Variants in TFAP4 observed in about 807,000 individuals in gnomAD.
The protein encoded by TFAP4 is transcription factor AP-4.
In TFAP4, 7 loss-of-function variants were observed where a neutral mutation model predicts 40.4. That is an observed-to-expected ratio of 0.17 (90% CI 0.10 to 0.33). The LOEUF (loss-of-function observed/expected upper bound fraction) is 0.33, where lower values mean the gene tolerates loss of function less well. Among genes scored for constraint, TFAP4 ranks in the 10% least tolerant of loss-of-function variants. The pLI, the probability that TFAP4 is intolerant of heterozygous loss-of-function variation, is 1.00. For missense variants in TFAP4, 374 were observed against 451.1 expected (o/e 0.83, Z 1.55); for synonymous variants, 218 against 181.4 (o/e 1.20, Z -1.62).
intron 1 of TFAP4, among the ~76,000 whole-genome samples, chr16:4,269,236 G>A (rs2053021042): frequency 2.0e-5 from 3 of 148,980 alleles, no homozygotes; most frequent in African/African-American, 4.9e-5. Context: ...GCTCACGCCT[G>A]TAATCCCAAC....
At chr16:4,258,515 G>A (rs975186736) in intron 6 of TFAP4, 14 of 333,268 alleles carry the variant, frequency 4.2e-5, no homozygotes, top group African/African-American at 2.8e-4. Context: ...GGGCTCCAGC[G>A]ATCCTCCTAC....
At chr16:4,264,858 T>C (rs985396827) in intron 1 of TFAP4, 1 of 152,198 alleles carries the variant, frequency 6.6e-6, no homozygotes, top group Non-Finnish European at 1.5e-5. Context: ...TGGGAAGAGA[T>C]GTCCATAGGA....
intron 1 of TFAP4, among the ~76,000 whole-genome samples, chr16:4,271,413 C>T (rs2141098389): frequency 6.6e-6 from 1 of 152,344 alleles, no homozygotes; most frequent in Non-Finnish European, 1.5e-5. Flanking sequence ...AAAGGGGCCA[C>T]AGGTCCCAAA....
chr16:4,267,644 G>A (rs2053008090), intron 1 of TFAP4, among the ~76,000 whole-genome samples: 1 of 152,142 alleles, frequency 6.6e-6, no homozygotes, highest in Non-Finnish European at 1.5e-5. Flanking sequence ...ACACCTGCCT[G>A]CCCAGCTCCA....
rs780088020 is a variant in TFAP4, at chr16:4,262,295, G to C, written c.354+29C>G. On this transcript the variant is annotated intron_variant, in intron 3 of 6. Coordinates refer to ENST00000204517, the MANE Select transcript of TFAP4 (RefSeq NM_003223.3). Reference sequence around the variant, plus strand: ...GGGTCCAAGGCATGCCCATGCCAGGGAGAGGGAGCCATGAAGGACAGGGCG... The same window carrying C: ...GGGTCCAAGGCATGCCCATGCCAGGCAGAGGGAGCCATGAAGGACAGGGCG... The C allele has an allele frequency of 1.3e-5, 21 of 1,610,906 alleles. No individual in the cohort carries two copies. The South Asian group carries it at 2.0e-4, about 15-fold the overall frequency.
Position 4,260,509 on chromosome 16 carries a change from C to A in TFAP4, c.612G>T (p.Val204=). The A allele has an allele frequency of 1.2e-6, 2 of 1,610,280 alleles. No individual in the cohort carries two copies. Among genetic ancestry groups the A allele is most frequent in the Non-Finnish European group, 1.7e-6 (2 of 1,178,618 alleles). Reference sequence around the variant, plus strand: ...CCAGCTTCTCCTGGTGCAGCAGCCTCACCTGTTCCTGCTGCTGCTGCAGCT... The same window carrying A: ...CCAGCTTCTCCTGGTGCAGCAGCCTAACCTGTTCCTGCTGCTGCTGCAGCT... ...QVQLQQQQEQ[V]RLLHQEKLER... Residue 204 remains valine, a synonymous_variant, in exon 5 of 7, where the codon GTG becomes GTT. Transcript: ENST00000204517.
intron 1 of TFAP4, chr16:4,266,616 G>A (rs1283813654): frequency 6.6e-5 from 10 of 152,254 alleles, no homozygotes; most frequent in African/African-American, 1.4e-4. Context: ...GGCTTCTGAT[G>A]GCTGACCAAC....
At position 4,260,898 on chromosome 16, in the gene TFAP4, G is replaced by A. The variant is rs573709802; in HGVS notation, c.526-303C>T. Among the ~76,000 whole-genome samples, 74 of 152,346 alleles carry A rather than the reference G, an allele frequency of 4.9e-4. 2 individuals carry two copies. In the South Asian group the frequency reaches 0.013, roughly 28 times the overall value. On this transcript the variant is annotated intron_variant, in intron 4 of 6. Transcript: ENST00000204517. ...AACTTCCCACTTCCATGGAGATGCCGTGGGGCGTCCCTTGAAAAACCCCTC... is the reference window on the plus strand; with the variant it reads ...AACTTCCCACTTCCATGGAGATGCCATGGGGCGTCCCTTGAAAAACCCCTC...
At chr16:4,264,947 C>G (rs1029278406) in intron 1 of TFAP4, 1 of 152,248 alleles carries the variant, frequency 6.6e-6, no homozygotes, top group Non-Finnish European at 1.5e-5. Context: ...CCCCTGCCCA[C>G]CCAGCCCCTG....
intron 1 of TFAP4, among the ~76,000 whole-genome samples, chr16:4,270,858 T>TGCA (rs911060988): frequency 9.2e-5 from 14 of 152,200 alleles, no homozygotes; most frequent in Non-Finnish European, 1.9e-4. Flanking sequence ...AGCCCAGCCC[T>TGCA]GCAGCAGCAG....
Position 4,258,104 on chromosome 16 carries a change from G to C in TFAP4, c.968C>G (p.Ala323Gly). The C allele has an allele frequency of 1.9e-6, 3 of 1,613,778 alleles. No individual in the cohort carries two copies. The highest frequency in any genetic ancestry group is 2.5e-6 in the Non-Finnish European group (3 of 1,179,938). The part of the protein sequence containing the change: ...ASDSEASDSD[A>G]MDQSREEPSG... ...CGGCTCCTCCCGGCTCTGGTCCATG[G>C]CGTCACTGTCTGAGGCCTCGGAGTC... Residue 323 changes from alanine (A) to glycine (G), a missense_variant, in exon 7 of 7, where the codon GCC (alanine) becomes GGC (glycine). This residue lies in a region of TFAP4 where 93 missense variants were observed against 79.2 expected (regional missense o/e 1.17). Coordinates refer to ENST00000204517, the MANE Select transcript of TFAP4 (RefSeq NM_003223.3).
At chr16:4,267,613 T>A (rs918668787) in intron 1 of TFAP4, among the ~76,000 whole-genome samples, 1 of 152,020 alleles carries the variant, frequency 6.6e-6, no homozygotes, top group Non-Finnish European at 1.5e-5. Flanking sequence ...CAGGCCAAAG[T>A]CAAGTACCCC....
At chr16:4,262,468 G>A in intron 2 of TFAP4, 46 bp from the exon 3 acceptor site, 1 of 1,613,808 alleles carries the variant, frequency 6.2e-7, no homozygotes, top group Non-Finnish European at 8.5e-7. Flanking sequence ...GTGTTTACCA[G>A]AGCTCACTTT....
Position 4,262,687 on chromosome 16 carries a change from G to T in TFAP4, c.104C>A (p.Pro35Gln). 6.2e-7 allele frequency: 1 copy of T among 1,609,054 alleles called. No individual in the cohort carries two copies. The change falls in exon 2 of 7, where the codon CCA (proline) becomes CAA (glutamine). Residue 35 changes from proline to glutamine, a missense_variant. This residue lies in a region of TFAP4 where 51 missense variants were observed against 59.3 expected (regional missense o/e 0.86). Coordinates refer to ENST00000204517, the MANE Select transcript of TFAP4 (RefSeq NM_003223.3). ...GTCCCGCTGAGTCTCGGGGGTTAGT[G>T]GAATGTTGGCAAGGCTGCCAGAGAG... ...IGGLCSLANI[P>Q]LTPETQRDQE...
chr16:4,263,393 G>A (rs956648958), intron 1 of TFAP4: 4 of 152,232 alleles, frequency 2.6e-5, no homozygotes, highest in East Asian at 1.9e-4. Context: ...ACGACATTCA[G>A]GGACGCTGTC....
intron 1 of TFAP4, chr16:4,265,444 T>A (rs1171812880): frequency 6.7e-6 from 1 of 150,286 alleles, no homozygotes; most frequent in Non-Finnish European, 1.5e-5. Context: ...TGAGACCCCA[T>A]CACTAGAAAA....
intron 6 of TFAP4, 100 bp downstream of exon 6, chr16:4,259,990 C>T: frequency 7.0e-7 from 1 of 1,420,820 alleles, no homozygotes. Flanking sequence ...CACACAAGCA[C>T]CATCTTCCTC....
At chr16:4,272,311 G>A (rs1236167473) in intron 1 of TFAP4, among the ~76,000 whole-genome samples, 4 of 152,066 alleles carry the variant, frequency 2.6e-5, no homozygotes, top group Non-Finnish European at 4.4e-5. Context: ...GAAGGAAGCC[G>A]CCGCAGGAGG....
chr16:4,260,713 A>C, intron 4 of TFAP4, 118 bp from the exon 5 acceptor site: 4 of 1,197,112 alleles, frequency 3.3e-6, no homozygotes, highest in Non-Finnish European at 4.4e-6. Context: ...GCCCCTCTCA[A>C]CAGAGGCCAG....
Sources: allele counts gnomAD v4.1 joint callset (sites outside exome capture counted in the v4.1 genomes callset), GRCh38; gene constraint gnomAD v4.1.1; regional missense constraint gnomAD v4.1.1; transcripts MANE v1.5; gene names NCBI Gene and HGNC (gene_info 2026-07-23, HGNC 2026-07-21).